Variants in TWSG1 observed in about 807,000 individuals in gnomAD.
TWSG1 encodes the protein twisted gastrulation protein homolog 1.
Under a neutral mutation model 23.0 loss-of-function variants are expected in TWSG1, and 15 were observed. That is an observed-to-expected ratio of 0.65 (90% confidence interval 0.44 to 1.00). The LOEUF (loss-of-function observed/expected upper bound fraction) is 1.00, where lower values mean the gene tolerates loss of function less well. Ranked by LOEUF, TWSG1 falls within the 50% of genes least tolerant of loss-of-function variation. The pLI, the probability that TWSG1 is intolerant of heterozygous loss-of-function variation, is 0.00. For synonymous variants in TWSG1, 86 were observed against 92.8 expected (o/e 0.93, Z 0.42); for missense variants, 242 against 278.7 (o/e 0.87, Z 0.94).
intron 2 of TWSG1, among the ~76,000 whole-genome samples, chr18:9,348,138 TG>T (rs1198451059): frequency 6.6e-6 from 1 of 152,222 alleles, no homozygotes; most frequent in African/African-American, 2.4e-5. Flanking sequence ...GATGCTGGAA[TG>T]TGTTCTCTGC....
chr18:9,376,367 T>C (rs1211949940), intron 3 of TWSG1, among the ~76,000 whole-genome samples: 1 of 152,206 alleles, frequency 6.6e-6, no homozygotes, highest in Non-Finnish European at 1.5e-5. Context: ...GGAGGACTGA[T>C]ACTACTGGAC....
intron 3 of TWSG1, among the ~76,000 whole-genome samples, chr18:9,360,383 A>G (rs561840951): frequency 6.6e-6 from 1 of 152,102 alleles, no homozygotes; most frequent in Non-Finnish European, 1.5e-5. Context: ...GTTTTTAATA[A>G]GAAGTAGGTT....
intron 3 of TWSG1, among the ~76,000 whole-genome samples, chr18:9,391,115 T>C (rs530058253): frequency 1.3e-5 from 2 of 152,336 alleles, no homozygotes; most frequent in South Asian, 2.1e-4. Flanking sequence ...ATTTCAACAA[T>C]GTTTATAGCA....
intron 2 of TWSG1, among the ~76,000 whole-genome samples, chr18:9,351,033 G>T (rs2040499631): frequency 6.6e-6 from 1 of 151,952 alleles, no homozygotes; most frequent in Admixed American, 6.6e-5. Context: ...TACACAATAT[G>T]CAAGTAAATA....
intron 2 of TWSG1, among the ~76,000 whole-genome samples, chr18:9,353,849 C>G (rs143094768): frequency 6.6e-6 from 1 of 152,138 alleles, no homozygotes; most frequent in Non-Finnish European, 1.5e-5. Context: ...CCAGCTGAAG[C>G]GACAACAAAA....
chr18:9,401,619 A>T lies in TWSG1; in HGVS notation c.*2092A>T, dbSNP rs571625699. The T allele has an allele frequency of 1.1e-4, 16 of 152,224 alleles. No individual in the cohort carries two copies. Among genetic ancestry groups the T allele is most frequent in the Admixed American group, 3.3e-4 (5 of 15,296 alleles). 9.4% of individuals were successfully genotyped at this position (152,224 alleles called of 1,614,324 possible). A position where few individuals can be genotyped will look rare whatever the true frequency, so the allele number is the denominator to read the frequency against. ...AAATGTAAAGATCTTTTGCCTTCAA[A>T]TTTGGCTTATTTTTTCTGATTTATG... is the stretch of plus-strand genomic sequence containing the variant. On this transcript the variant is annotated 3_prime_UTR_variant, in exon 5 of 5. Coordinates refer to ENST00000262120, the MANE Select transcript of TWSG1 (RefSeq NM_020648.6).
chr18:9,369,613 GTTGT>G (rs2040595406), intron 3 of TWSG1, among the ~76,000 whole-genome samples: 1 of 152,018 alleles, frequency 6.6e-6, no homozygotes, highest in Non-Finnish European at 1.5e-5. Context: ...TCACTGTTAG[GTTGT>G]TTGAGTTCCT....
Position 9,337,220 on chromosome 18 carries a change from T to C in TWSG1, c.-10T>C. On this transcript the variant is annotated 5_prime_UTR_variant, in exon 2 of 5. Coordinates refer to ENST00000262120, the MANE Select transcript of TWSG1 (RefSeq NM_020648.6). ...TCCTGGGAGTTACTGATCATCTTCTTTGAAGAAACATGAAGTTACACTATG... is the reference window on the plus strand; with the variant it reads ...TCCTGGGAGTTACTGATCATCTTCTCTGAAGAAACATGAAGTTACACTATG... 6.2e-7 allele frequency: 1 copy of C among 1,609,606 alleles called. No homozygotes were observed. The highest frequency in any genetic ancestry group is 8.5e-7 in the Non-Finnish European group (1 of 1,179,878).
At chr18:9,397,286 A>G (rs552346825) in intron 4 of TWSG1, among the ~76,000 whole-genome samples, 4 of 152,332 alleles carry the variant, frequency 2.6e-5, no homozygotes, top group African/African-American at 9.6e-5. Flanking sequence ...TCAGATTTTT[A>G]TAATAGCACC....
chr18:9,390,704 C>G (rs2040708394), intron 3 of TWSG1, among the ~76,000 whole-genome samples: 1 of 152,092 alleles, frequency 6.6e-6, no homozygotes. Flanking sequence ...ACTATTTTAC[C>G]CACAGTAGAA....
intron 1 of TWSG1, among the ~76,000 whole-genome samples, chr18:9,335,712 T>G (rs1461848409): frequency 1.3e-5 from 2 of 152,352 alleles, no homozygotes; most frequent in East Asian, 3.9e-4. Context: ...GGGAATGCTT[T>G]GTGAGCCTCA....
chr18:9,367,818 T>A (rs1189292231), intron 3 of TWSG1, among the ~76,000 whole-genome samples: 1 of 152,234 alleles, frequency 6.6e-6, no homozygotes, highest in Non-Finnish European at 1.5e-5. Context: ...CTTCTTTTTT[T>A]AAGGCTGAAT....
chr18:9,370,335 T>C (rs1205890604), intron 3 of TWSG1, among the ~76,000 whole-genome samples: 1 of 151,878 alleles, frequency 6.6e-6, no homozygotes, highest in African/African-American at 2.4e-5. Context: ...AAAAAATTAT[T>C]GTCCAGACCA....
At chr18:9,355,475 C>T (rs1043571821) in intron 2 of TWSG1, among the ~76,000 whole-genome samples, 1 of 151,850 alleles carries the variant, frequency 6.6e-6, no homozygotes, top group Non-Finnish European at 1.5e-5. Context: ...AAATATTATA[C>T]ATTTCTAAAT....
At chr18:9,381,119 T>G (rs1374828184) in intron 3 of TWSG1, among the ~76,000 whole-genome samples, 1 of 152,222 alleles carries the variant, frequency 6.6e-6, no homozygotes, top group African/African-American at 2.4e-5. Context: ...GGAAACTAAG[T>G]GCCAGCAATG....
chr18:9,357,161 C>G (rs1221425068), intron 2 of TWSG1, among the ~76,000 whole-genome samples: 2 of 152,152 alleles, frequency 1.3e-5, no homozygotes, highest in Admixed American at 6.5e-5. Flanking sequence ...AACAGCTATA[C>G]TTCTCATTAA....
At chr18:9,342,678 A>G (rs773882596) in intron 2 of TWSG1, among the ~76,000 whole-genome samples, 2 of 152,274 alleles carry the variant, frequency 1.3e-5, no homozygotes, top group East Asian at 1.9e-4. Flanking sequence ...ACTGATTGCA[A>G]TCTAGGTCTG....
chr18:9,363,896 G>C (rs1231344694), intron 3 of TWSG1, among the ~76,000 whole-genome samples: 1 of 152,158 alleles, frequency 6.6e-6, no homozygotes, highest in Non-Finnish European at 1.5e-5. Flanking sequence ...CCAAAGTGCT[G>C]GGATTACACA....
Position 9,401,537 on chromosome 18 carries a change from C to T in TWSG1, c.*2010C>T, listed in dbSNP as rs187816354. On this transcript the variant is annotated 3_prime_UTR_variant, in exon 5 of 5. Coordinates refer to ENST00000262120, the MANE Select transcript of TWSG1 (RefSeq NM_020648.6). ...TACATTAGGAGGATAATTTCTTAAA[C>T]CACATTGTTTTAATTGATTTTTCTT... 3.3e-5 allele frequency: 5 copies of T among 152,192 alleles called. No individual in the cohort carries two copies. In the East Asian group the frequency reaches 9.6e-4, roughly 29 times the overall value. The allele number at this position is 152,192 out of a possible 1,614,324, so 9.4% of individuals were successfully genotyped here.
Sources: allele counts gnomAD v4.1 joint callset (sites outside exome capture counted in the v4.1 genomes callset), GRCh38; gene constraint gnomAD v4.1.1; transcripts MANE v1.5; gene names NCBI Gene and HGNC (gene_info 2026-07-23, HGNC 2026-07-21).